Variants in SMAD9 observed in about 807,000 individuals in gnomAD.
SMAD9 encodes MAD homolog 9.
SMAD9 carries 36 observed loss-of-function variants against 46.1 expected under a neutral mutation model. That is an observed-to-expected ratio of 0.78 (90% CI 0.60 to 1.03). The LOEUF (loss-of-function observed/expected upper bound fraction) is 1.03, where lower values mean the gene tolerates loss of function less well. SMAD9 is among the 50% of genes least tolerant of loss of function. The probability of loss-of-function intolerance (pLI) is 0.00; values close to 1 mark genes in which losing one functional copy is unlikely to be tolerated. For synonymous variants in SMAD9, 245 were observed against 237.1 expected, an observed-to-expected ratio of 1.03 and a Z score of -0.31; for missense variants, 572 against 599.8, an observed-to-expected ratio of 0.95 and a Z score of 0.48.
rs2058051985 is a variant in SMAD9, at chr13:36,848,751, A to G, written c.1329T>C (p.His443=). ...STPCWIEIHL[H]GPLQWLDKVL... ...CTTTGTCCAGCCACTGCAGTGGCCC[A>G]TGAAGATGAATCTCAATCCAGCAGG... The change falls in exon 7 of 7, where the codon CAT becomes CAC. Residue 443 remains histidine, a synonymous_variant. Coordinates refer to ENST00000379826, the MANE Select transcript of SMAD9 (RefSeq NM_001127217.3). 6.2e-7 allele frequency: 1 copy of G among 1,613,742 alleles called. No individual in the cohort carries two copies. Among genetic ancestry groups the G allele is most frequent in the Non-Finnish European group, 8.5e-7 (1 of 1,179,612 alleles).
intron 1 of SMAD9, among the ~76,000 whole-genome samples, chr13:36,904,551 G>A (rs73535778): frequency 0.021 from 3,264 of 152,178 alleles, 121 homozygotes; most frequent in African/African-American, 0.074. Context: ...AAAAGGCCAT[G>A]GGCAAATACA....
At chr13:36,873,406 G>A (rs537969616) in intron 2 of SMAD9, among the ~76,000 whole-genome samples, 1 of 152,228 alleles carries the variant, frequency 6.6e-6, no homozygotes, top group South Asian at 2.1e-4. Flanking sequence ...TTCCTTCAGA[G>A]ATCATGTTGA....
chr13:36,855,718 G>C (rs1593552079), intron 5 of SMAD9, among the ~76,000 whole-genome samples: 1 of 152,142 alleles, frequency 6.6e-6, no homozygotes, highest in African/African-American at 2.4e-5. Context: ...AGTAGCACTT[G>C]AGGCAGTTCT....
intron 3 of SMAD9, among the ~76,000 whole-genome samples, chr13:36,867,726 C>G (rs1002688938): frequency 6.6e-6 from 1 of 152,204 alleles, no homozygotes; most frequent in South Asian, 2.1e-4. Flanking sequence ...TTGCAAAACA[C>G]AGAGAAAGCT....
At chr13:36,900,684 TACAC>T (rs58756918) in intron 1 of SMAD9, among the ~76,000 whole-genome samples, 27,098 of 142,636 alleles carry the variant, frequency 0.19, 2,809 homozygotes, top group Non-Finnish European at 0.23. Flanking sequence ...TCATTATGAC[TACAC>T]ACACACACAC....
chr13:36,905,573 T>C lies in SMAD9; in HGVS notation c.-187+14543A>G, dbSNP rs899032450. On this transcript the variant is annotated intron_variant, in intron 1 of 6. Coordinates refer to ENST00000379826, the MANE Select transcript of SMAD9 (RefSeq NM_001127217.3). ...GAGTAAGAGACCAGCCTGGGCAACA[T>C]AGCCAAACCCCATCTCTACAAAAAC... 5.3e-5 allele frequency among the ~76,000 whole-genome samples: 8 copies of C among 151,634 alleles called. No individual in the cohort carries two copies. In the East Asian group the frequency reaches 7.8e-4, roughly 15 times the overall value.
At chr13:36,851,270 T>C (rs763026447) in intron 6 of SMAD9, among the ~76,000 whole-genome samples, 2 of 152,154 alleles carry the variant, frequency 1.3e-5, no homozygotes, top group East Asian at 1.9e-4. Flanking sequence ...CTGGCCTGCC[T>C]GCTCTTCAGA....
chr13:36,919,359 G>A (rs1020655195), intron 1 of SMAD9, among the ~76,000 whole-genome samples: 3 of 152,052 alleles, frequency 2.0e-5, no homozygotes, highest in East Asian at 1.9e-4. Flanking sequence ...TCCCCTCTGC[G>A]GAGAGCTGGC....
chr13:36,863,007 T>C (rs1010638327), intron 5 of SMAD9, among the ~76,000 whole-genome samples: 4 of 152,246 alleles, frequency 2.6e-5, no homozygotes, highest in Admixed American at 6.5e-5. Context: ...TGAGAGGCGA[T>C]GCTCAGTAAG....
chr13:36,896,061 C>T (rs748440957), intron 1 of SMAD9, among the ~76,000 whole-genome samples: 1 of 152,110 alleles, frequency 6.6e-6, no homozygotes, highest in East Asian at 1.9e-4. Context: ...TAACCTCTCC[C>T]TTATTCTTTC....
intron 3 of SMAD9, among the ~76,000 whole-genome samples, chr13:36,868,489 T>C (rs954342680): frequency 6.6e-6 from 1 of 152,166 alleles, no homozygotes; most frequent in Admixed American, 6.5e-5. Context: ...CCTGTAATCT[T>C]AGCATTTTGG....
chr13:36,892,243 G>T (rs574615842), intron 1 of SMAD9, among the ~76,000 whole-genome samples: 1 of 152,162 alleles, frequency 6.6e-6, no homozygotes, highest in Non-Finnish European at 1.5e-5. Flanking sequence ...AATGAAGTTG[G>T]TCATCGTGCA....
At chr13:36,881,738 A>G in intron 1 of SMAD9, among the ~76,000 whole-genome samples, 1 of 152,226 alleles carries the variant, frequency 6.6e-6, no homozygotes, top group East Asian at 1.9e-4. Flanking sequence ...ATGAATTTAT[A>G]AAGTATAGTT....
intron 1 of SMAD9, among the ~76,000 whole-genome samples, chr13:36,891,113 T>C (rs1458091571): frequency 6.6e-6 from 1 of 151,614 alleles, no homozygotes; most frequent in African/African-American, 2.4e-5. Flanking sequence ...CTCTGAGAAA[T>C]ACAAATCCTA....
chr13:36,850,948 T>C (rs373405766), intron 6 of SMAD9, among the ~76,000 whole-genome samples: 1 of 152,170 alleles, frequency 6.6e-6, no homozygotes, highest in Admixed American at 6.5e-5. Flanking sequence ...CAATTCAGAA[T>C]CCTTCCACTT....
At chr13:36,867,122 A>C in intron 4 of SMAD9, 151 bp downstream of exon 4, 1 of 613,924 alleles carries the variant, frequency 1.6e-6, no homozygotes, top group Non-Finnish European at 3.0e-6. Flanking sequence ...TGTCAAAGTT[A>C]AAATGCAAAG....
At position 36,867,311 on chromosome 13, in the gene SMAD9, G is replaced by C; in HGVS notation, c.743C>G (p.Thr248Arg). The C allele has an allele frequency of 6.4e-7, 1 of 1,551,184 alleles. No homozygotes were observed. Among genetic ancestry groups the C allele is most frequent in the Non-Finnish European group, 8.7e-7 (1 of 1,146,550 alleles). ...CGATAGCACTACATGTCTATCAGCT[G>C]TGGCATCTACAGGTTGGCCACTCTG... ...ETQSGQPVDATADRHVVLSIP... is the reference protein window; with the variant it reads ...ETQSGQPVDARADRHVVLSIP... Residue 248 changes from threonine to arginine, a missense_variant, in exon 4 of 7, where the codon ACA becomes AGA. Physicochemically the swap from Thr to Arg is moderately conservative, Grantham distance 71. Coordinates refer to ENST00000379826, the MANE Select transcript of SMAD9 (RefSeq NM_001127217.3).
At chr13:36,874,453 AC>A (rs2058325806) in intron 2 of SMAD9, among the ~76,000 whole-genome samples, 1 of 152,096 alleles carries the variant, frequency 6.6e-6, no homozygotes. Context: ...AATAATTCTT[AC>A]CCCCGAATTC....
At chr13:36,909,079 T>C (rs926848611) in intron 1 of SMAD9, among the ~76,000 whole-genome samples, 2 of 152,216 alleles carry the variant, frequency 1.3e-5, no homozygotes, top group African/African-American at 4.8e-5. Context: ...TTGGCTAGAA[T>C]GTTACTATTG....
Sources: allele counts gnomAD v4.1 joint callset (sites outside exome capture counted in the v4.1 genomes callset), GRCh38; gene constraint gnomAD v4.1.1; transcripts MANE v1.5; gene names NCBI Gene and HGNC (gene_info 2026-07-23, HGNC 2026-07-21).